GMDS: variants seen among roughly 807,000 people sequenced by gnomAD.
GMDS encodes GDP-mannose 4,6 dehydratase.
A neutral mutation model predicts 49.9 loss-of-function variants in GMDS; 20 were observed. The ratio of observed to expected loss-of-function variants is 0.40; its 90% CI spans 0.28 to 0.58. The LOEUF (loss-of-function observed/expected upper bound fraction) is 0.58. Among genes scored for constraint, GMDS ranks in the 20% least tolerant of loss-of-function variants. The probability of loss-of-function intolerance (pLI) is 0.42; values close to 1 mark genes in which losing one functional copy is unlikely to be tolerated. For synonymous variants in GMDS, 177 were observed against 178.6 expected (o/e 0.99, Z 0.07); for missense variants, 362 against 481.4 (o/e 0.75, Z 2.32).
intron 1 of GMDS, among the ~76,000 whole-genome samples, chr6:2,143,624 TG>T (rs142726456): frequency 0.11 from 16,691 of 152,210 alleles, 3,031 homozygotes; most frequent in African/African-American, 0.38. Context: ...TGAATGGCTG[TG>T]GGAGAGGCAA....
At chr6:1,701,016 C>A (rs1343163717) in intron 9 of GMDS, among the ~76,000 whole-genome samples, 1 of 152,170 alleles carries the variant, frequency 6.6e-6, no homozygotes, top group Non-Finnish European at 1.5e-5. Context: ...GGGTGACAAA[C>A]CAGGGACTAA....
intron 7 of GMDS, among the ~76,000 whole-genome samples, chr6:1,763,329 A>G (rs1262295410): frequency 6.6e-6 from 1 of 152,244 alleles, no homozygotes; most frequent in Non-Finnish European, 1.5e-5. Context: ...TGAGAGGACT[A>G]TGCAAAGGGG....
intron 8 of GMDS, among the ~76,000 whole-genome samples, chr6:1,737,626 GATACACACGCACACATACATACAC>G (rs1561768784): frequency 8.2e-6 from 1 of 122,556 alleles, no homozygotes; most frequent in Non-Finnish European, 1.7e-5. Flanking sequence ...CACACACACA[GATACACACGCACACATACATACAC>G]ATACACACAC....
intron 7 of GMDS, among the ~76,000 whole-genome samples, chr6:1,885,527 C>T (rs181841660): frequency 1.5e-3 from 225 of 152,202 alleles, no homozygotes; most frequent in African/African-American, 5.0e-3. Context: ...AGGCAAAGAA[C>T]GAAGTGTTTT....
At chr6:1,880,338 GC>G (rs979938600) in intron 7 of GMDS, among the ~76,000 whole-genome samples, 1 of 148,136 alleles carries the variant, frequency 6.8e-6, no homozygotes, top group Non-Finnish European at 1.5e-5. Flanking sequence ...CACGTTTGTT[GC>G]CCCAGCTACT....
At chr6:1,759,228 G>C (rs1768070881) in intron 7 of GMDS, among the ~76,000 whole-genome samples, 1 of 152,212 alleles carries the variant, frequency 6.6e-6, no homozygotes, top group South Asian at 2.1e-4. Context: ...ATAGGGTGGA[G>C]TGAATTAAAT....
chr6:1,942,830 T>C (rs1315578237), intron 6 of GMDS, among the ~76,000 whole-genome samples: 1 of 152,198 alleles, frequency 6.6e-6, no homozygotes, highest in African/African-American at 2.4e-5. Context: ...TGAGGTTCGC[T>C]TTTTGCCATT....
chr6:1,958,052 G>C (rs2325721), intron 6 of GMDS, among the ~76,000 whole-genome samples: 103,160 of 150,950 alleles, frequency 0.68, 35,385 homozygotes, highest in East Asian at 0.82. Context: ...GTGATCCCCC[G>C]AACTTAGCTT....
chr6:1,717,881 T>C (rs1241677764), intron 9 of GMDS, among the ~76,000 whole-genome samples: 2 of 152,172 alleles, frequency 1.3e-5, no homozygotes, highest in South Asian at 2.1e-4. Context: ...TTCCAGGACA[T>C]AGTGATTTGA....
At chr6:1,685,014 C>CA (rs1291254124) in intron 9 of GMDS, among the ~76,000 whole-genome samples, 2 of 111,392 alleles carry the variant, frequency 1.8e-5, no homozygotes, top group Admixed American at 1.7e-4. Context: ...CCTCTCTCCC[C>CA]CCCCTTTTTT....
At chr6:1,658,587 A>T (rs1763965195) in intron 9 of GMDS, among the ~76,000 whole-genome samples, 1 of 152,280 alleles carries the variant, frequency 6.6e-6, no homozygotes, top group Non-Finnish European at 1.5e-5. Context: ...ATGGGTAATG[A>T]TATTGTTTTC....
At chr6:1,749,381 A>C (rs1201111803) in intron 7 of GMDS, among the ~76,000 whole-genome samples, 1 of 151,956 alleles carries the variant, frequency 6.6e-6, no homozygotes, top group East Asian at 1.9e-4. Context: ...TGAGGTGAGG[A>C]GTTTAAGACC....
At chr6:1,750,220 CA>C (rs1472658196) in intron 7 of GMDS, among the ~76,000 whole-genome samples, 1 of 152,060 alleles carries the variant, frequency 6.6e-6, no homozygotes, top group African/African-American at 2.4e-5. Context: ...TTCTTGATTT[CA>C]GAGGGTTTCA....
intron 9 of GMDS, among the ~76,000 whole-genome samples, chr6:1,670,710 A>G (rs1208781630): frequency 2.0e-5 from 3 of 152,232 alleles, no homozygotes; most frequent in African/African-American, 7.2e-5. Flanking sequence ...AGTGCTAGAG[A>G]GAAAGATAAC....
chr6:1,916,389 TA>T (rs894684666), intron 7 of GMDS, among the ~76,000 whole-genome samples: 4 of 151,236 alleles, frequency 2.6e-5, no homozygotes, highest in African/African-American at 9.7e-5. Flanking sequence ...TTCTCCAAAG[TA>T]AGAGTTTTCA....
intron 7 of GMDS, among the ~76,000 whole-genome samples, chr6:1,887,385 C>T (rs757600463): frequency 7.9e-5 from 12 of 152,142 alleles, no homozygotes; most frequent in Non-Finnish European, 1.5e-4. Flanking sequence ...AAGTTATCAA[C>T]GTTTCTAGGT....
chr6:1,669,538 G>C (rs1307503043), intron 9 of GMDS, among the ~76,000 whole-genome samples: 1 of 152,200 alleles, frequency 6.6e-6, no homozygotes, highest in Non-Finnish European at 1.5e-5. Flanking sequence ...AAAAATGGGG[G>C]TGCTGAAAAT....
chr6:2,113,365 T>C (rs1453557947), intron 4 of GMDS, among the ~76,000 whole-genome samples: 2 of 152,028 alleles, frequency 1.3e-5, no homozygotes, highest in African/African-American at 2.4e-5. Flanking sequence ...TCTAGACTCT[T>C]ACCTCTAGAA....
At chr6:2,174,958 G>C (rs959883250) in intron 1 of GMDS, among the ~76,000 whole-genome samples, 20 of 152,268 alleles carry the variant, frequency 1.3e-4, no homozygotes, top group Admixed American at 7.8e-4. Context: ...GAAGCCTTCA[G>C]GACTTGGGGC....
Sources: allele counts gnomAD v4.1 joint callset (sites outside exome capture counted in the v4.1 genomes callset), GRCh38; gene constraint gnomAD v4.1.1; transcripts MANE v1.5; gene names NCBI Gene and HGNC (gene_info 2026-07-23, HGNC 2026-07-21).